Variants in SLC25A26 observed in about 807,000 individuals in gnomAD.
SLC25A26 encodes the protein solute carrier family 25 member 26, also known as mitochondrial S-adenosylmethionine carrier protein.
In SLC25A26, 36 loss-of-function variants were observed where a neutral mutation model predicts 37.8. The ratio of observed to expected loss-of-function variants is 0.95; its 90% confidence interval spans 0.73 to 1.26. The LOEUF is 1.26. Among genes scored for constraint, SLC25A26 ranks in the 50% most tolerant of loss-of-function variants. SLC25A26 has a pLI of 0.00. For missense variants in SLC25A26, 390 were observed against 331.1 expected, an observed-to-expected ratio of 1.18 and a Z score of -1.38; for synonymous variants, 129 against 122.5, an observed-to-expected ratio of 1.05 and a Z score of -0.35.
At chr3:66,135,238 T>C (rs2069929451) in intron 1 of SLC25A26, among the ~76,000 whole-genome samples, 1 of 152,232 alleles carries the variant, frequency 6.6e-6, no homozygotes, top group Non-Finnish European at 1.5e-5. Context: ...TTAACTTACA[T>C]TTGAATTTCA....
chr3:66,371,007 C>T (rs1333866393), intron 9 of SLC25A26, among the ~76,000 whole-genome samples: 2 of 152,122 alleles, frequency 1.3e-5, no homozygotes, highest in South Asian at 2.1e-4. Flanking sequence ...TTGAACATAC[C>T]ATAGTGCAGG....
intron 1 of SLC25A26, among the ~76,000 whole-genome samples, chr3:66,155,194 T>C (rs2070264575): frequency 6.6e-6 from 1 of 152,230 alleles, no homozygotes. Flanking sequence ...CAATAAATAC[T>C]TGCTAAATTA....
intron 5 of SLC25A26, among the ~76,000 whole-genome samples, chr3:66,279,161 C>T (rs755847986): frequency 1.8e-4 from 27 of 152,090 alleles, no homozygotes; most frequent in Non-Finnish European, 3.7e-4. Flanking sequence ...ATGAAAAAGG[C>T]ATTATTTGCA....
At chr3:66,334,584 A>G (rs1559711189) in intron 5 of SLC25A26, among the ~76,000 whole-genome samples, 1 of 152,184 alleles carries the variant, frequency 6.6e-6, no homozygotes, top group East Asian at 1.9e-4. Flanking sequence ...CCAAAGTGCT[A>G]GGATTATAGG....
At chr3:66,268,885 C>G (rs576734341) in intron 5 of SLC25A26, among the ~76,000 whole-genome samples, 1 of 152,174 alleles carries the variant, frequency 6.6e-6, no homozygotes, top group Non-Finnish European at 1.5e-5. Context: ...CCATGTAAGA[C>G]GTGCCTTGCT....
intron 5 of SLC25A26, among the ~76,000 whole-genome samples, chr3:66,292,261 A>G (rs1163898062): frequency 5.3e-5 from 8 of 152,130 alleles, no homozygotes; most frequent in Non-Finnish European, 1.0e-4. Flanking sequence ...CCAGTGTGCC[A>G]TTCTGTGTCT....
chr3:66,358,625 T>C (rs1269091375), intron 6 of SLC25A26, among the ~76,000 whole-genome samples: 1 of 152,200 alleles, frequency 6.6e-6, no homozygotes, highest in Non-Finnish European at 1.5e-5. Context: ...CTGTTTAATC[T>C]GTGAGTTACT....
In SLC25A26 at chr3:66,281,996, A is replaced by ATTTTTTTTTTTT. The variant is rs71105977; in HGVS notation, c.453+18632_453+18643dup. On this transcript the variant is annotated intron_variant, in intron 5 of 9. Transcript: ENST00000354883. The stretch of plus-strand genomic sequence containing the variant: ...CACCACCACACCCAACTGATTTTGC[A>ATTTTTTTTTTTT]TTTTTTTTTTTTTTTTTTTTTTTTT... Among the ~76,000 whole-genome samples, 7 of 64,476 alleles carry ATTTTTTTTTTTT rather than the reference A, an allele frequency of 1.1e-4. 1 individual carries two copies. The East Asian group carries it at 1.9e-3, about 18-fold the overall frequency. The allele number at this position is 64,476 out of a possible 152,430, so 42.3% of individuals were successfully genotyped here.
At chr3:66,164,897 G>A (rs575185525) in intron 1 of SLC25A26, among the ~76,000 whole-genome samples, 4 of 152,212 alleles carry the variant, frequency 2.6e-5, no homozygotes, top group South Asian at 2.1e-4. Flanking sequence ...TAATTATAAC[G>A]CAGTGGGACA....
At chr3:66,314,824 A>T (rs987593940) in intron 5 of SLC25A26, among the ~76,000 whole-genome samples, 9 of 151,470 alleles carry the variant, frequency 5.9e-5, no homozygotes, top group African/African-American at 2.2e-4. Context: ...CTAGTCAGAG[A>T]TTCCAATTCC....
At chr3:66,270,461 C>T (rs1168256874) in intron 5 of SLC25A26, among the ~76,000 whole-genome samples, 1 of 152,098 alleles carries the variant, frequency 6.6e-6, no homozygotes, top group Non-Finnish European at 1.5e-5. Flanking sequence ...ATGCTAGCTT[C>T]ATGGGAAAAG....
At chr3:66,358,579 C>T (rs1303745872) in intron 6 of SLC25A26, among the ~76,000 whole-genome samples, 1 of 152,176 alleles carries the variant, frequency 6.6e-6, no homozygotes, top group African/African-American at 2.4e-5. Context: ...ATGCCCACAC[C>T]AGAGTGTCCC....
chr3:66,218,148 A>G (rs2071389149), upstream of SLC25A26, among the ~76,000 whole-genome samples: 2 of 151,462 alleles, frequency 1.3e-5, no homozygotes, highest in African/African-American at 4.9e-5. Flanking sequence ...AGATTAATCC[A>G]TGTTGTTTCA....
chr3:66,312,927 T>C (rs553444829), intron 5 of SLC25A26, among the ~76,000 whole-genome samples: 19 of 152,288 alleles, frequency 1.2e-4, no homozygotes, highest in African/African-American at 4.3e-4. Flanking sequence ...GAGCTACATA[T>C]CGGAGCTGTT....
At chr3:66,277,918 A>T (rs1342477836) in intron 5 of SLC25A26, among the ~76,000 whole-genome samples, 2 of 152,134 alleles carry the variant, frequency 1.3e-5, no homozygotes, top group Non-Finnish European at 2.9e-5. Flanking sequence ...ATTGTACAGA[A>T]TTGTCAAAGT....
chr3:66,208,662 G>GTATATATATA lies in SLC25A26; in HGVS notation c.-353-12073_-353-12064dup, dbSNP rs1199617173. On this transcript the variant is annotated intron_variant, in intron 1 of 10. Coordinates refer to the SLC25A26 transcript ENST00000676754. ...TATATACACACACACCTTTATATGG[G>GTATATATATA]TATATATATATATATACACATTTAT... 3.4e-5 allele frequency among the ~76,000 whole-genome samples: 4 copies of GTATATATATA among 118,380 alleles called. 1 individual carries two copies. Among genetic ancestry groups the GTATATATATA allele is most frequent in the Non-Finnish European group, 6.7e-5 (4 of 59,318 alleles). 77.7% of individuals were successfully genotyped at this position (118,380 alleles called of 152,430 possible).
intron 6 of SLC25A26, among the ~76,000 whole-genome samples, chr3:66,349,153 T>C (rs1455040653): frequency 6.6e-6 from 1 of 152,370 alleles, no homozygotes; most frequent in Non-Finnish European, 1.5e-5. Context: ...TCCAGAATTT[T>C]TCAGAGTAAT....
chr3:66,256,419 C>T (rs2073303834), intron 3 of SLC25A26, among the ~76,000 whole-genome samples: 3 of 152,018 alleles, frequency 2.0e-5, no homozygotes, highest in Middle Eastern at 3.4e-3. Context: ...ATCTTTGGTC[C>T]ATAATAAATA....
chr3:66,206,235 G>C lies in SLC25A26; in HGVS notation c.-353-14507G>C, dbSNP rs926504022. ...CCGCCATAACTGTACGTCAATGCAG[G>C]CGAGCCAAGCAGATACGGGGCAGTG... On this transcript the variant is annotated intron_variant, in intron 1 of 10. Transcript: ENST00000676754. Among the ~76,000 whole-genome samples the C allele has an allele frequency of 7.7e-4, 117 of 152,254 alleles. 1 individual carries two copies. The highest frequency in any genetic ancestry group is 2.7e-3 in the African/African-American group (111 of 41,542).
Sources: allele counts gnomAD v4.1 joint callset (sites outside exome capture counted in the v4.1 genomes callset), GRCh38; gene constraint gnomAD v4.1.1; transcripts MANE v1.5; gene names NCBI Gene and HGNC (gene_info 2026-07-23, HGNC 2026-07-21).